The following SIPA1L1 variants were observed in gnomAD, a reference collection of about 807,000 sequenced individuals.
SIPA1L1 encodes signal-induced proliferation-associated 1-like protein 1.
Under a neutral mutation model 162.7 loss-of-function variants are expected in SIPA1L1, and 26 were observed. That is an observed-to-expected ratio of 0.16 (90% CI 0.12 to 0.22). The LOEUF (loss-of-function observed/expected upper bound fraction) is 0.22. Among genes scored for constraint, SIPA1L1 ranks in the 10% least tolerant of loss-of-function variants. The pLI is 1.00. For missense variants in SIPA1L1, 1,874 were observed against 2,241.0 expected (o/e 0.84, Z 3.31); for synonymous variants, 829 against 837.4 (o/e 0.99, Z 0.17).
At chr14:71,376,736 G>C (rs1327253415) in intron 2 of SIPA1L1, among the ~76,000 whole-genome samples, 1 of 152,030 alleles carries the variant, frequency 6.6e-6, no homozygotes, top group Non-Finnish European at 1.5e-5. Context: ...TTGTGTCCCT[G>C]GGTACTTGAG....
chr14:71,329,081 A>G (rs2034189855), intron 2 of SIPA1L1, among the ~76,000 whole-genome samples: 1 of 152,154 alleles, frequency 6.6e-6, no homozygotes, highest in South Asian at 2.1e-4. Flanking sequence ...AGGTTCATCA[A>G]TGTTTGTAGC....
chr14:71,739,483 G>GC lies in SIPA1L1; in HGVS notation c.*327dup, dbSNP rs573289826. On this transcript the variant is annotated 3_prime_UTR_variant, in exon 24 of 24. Transcript: ENST00000381232. ...AAGAAACTGGGCCTTGGACCAGGGC[G>GC]CCCCCTGGCCCATCCGCCTCTATTC... is the stretch of plus-strand genomic sequence containing the variant. 2.8e-4 allele frequency: 46 copies of GC among 165,748 alleles called. No homozygotes were observed. Among genetic ancestry groups the GC allele is most frequent in the African/African-American group, 9.7e-4 (41 of 42,116 alleles). The allele number at this position is 165,748 out of a possible 1,614,324, so 10.3% of individuals were successfully genotyped here.
intron 19 of SIPA1L1, among the ~76,000 whole-genome samples, chr14:71,727,577 C>T (rs1018276528): frequency 3.9e-5 from 6 of 152,134 alleles, no homozygotes; most frequent in Non-Finnish European, 7.3e-5. Flanking sequence ...CTATAAGGAA[C>T]CCTTAGGGCC....
At chr14:71,589,985 C>T (rs559656499) in intron 5 of SIPA1L1, among the ~76,000 whole-genome samples, 50 of 135,682 alleles carry the variant, frequency 3.7e-4, no homozygotes, top group African/African-American at 1.3e-3. Flanking sequence ...GACATAAGGG[C>T]CACTTCCTTT....
intron 2 of SIPA1L1, among the ~76,000 whole-genome samples, chr14:71,504,643 A>G (rs2050510833): frequency 6.6e-6 from 1 of 152,220 alleles, no homozygotes; most frequent in Non-Finnish European, 1.5e-5. Context: ...TTAAAAAAGA[A>G]AAAAATGCAG....
intron 4 of SIPA1L1, among the ~76,000 whole-genome samples, chr14:71,577,080 AAAAAAGAAG>A (rs1298554007): frequency 5.9e-5 from 9 of 151,462 alleles, no homozygotes; most frequent in African/African-American, 2.2e-4. Flanking sequence ...AAAAAAAAAA[AAAAAAGAAG>A]AAAAAGAAAA....
At chr14:71,541,245 TGTTAA>T (rs2054353828) in intron 4 of SIPA1L1, among the ~76,000 whole-genome samples, 1 of 152,264 alleles carries the variant, frequency 6.6e-6, no homozygotes, top group African/African-American at 2.4e-5. Context: ...ATTTATTAAA[TGTTAA>T]GTTCTGCCTA....
chr14:71,562,683 T>A (rs917057484), intron 4 of SIPA1L1, among the ~76,000 whole-genome samples: 16 of 152,218 alleles, frequency 1.1e-4, no homozygotes, highest in African/African-American at 3.9e-4. Context: ...ATGGAACATA[T>A]AATGTGTGAC....
intron 10 of SIPA1L1, among the ~76,000 whole-genome samples, chr14:71,662,762 T>C (rs891367745): frequency 2.0e-5 from 3 of 152,208 alleles, no homozygotes; most frequent in African/African-American, 7.2e-5. Flanking sequence ...CCCCCAACAA[T>C]GAAGACCTAG....
At chr14:71,652,019 T>C (rs2042662079) in intron 8 of SIPA1L1, among the ~76,000 whole-genome samples, 2 of 152,170 alleles carry the variant, frequency 1.3e-5, no homozygotes, top group African/African-American at 2.4e-5. Context: ...AGTTCAACTT[T>C]ATGAGGCATG....
At position 71,481,535 on chromosome 14, in the gene SIPA1L1, A is replaced by C. The variant is rs577808526; in HGVS notation, c.-464-31208A>C. ...AACAACAGCAAAAAAAAAAGTCCCCAAAAAAAGAGAGGCTAATGATTAACA... is the reference window on the plus strand; with the variant it reads ...AACAACAGCAAAAAAAAAAGTCCCCCAAAAAAGAGAGGCTAATGATTAACA... On this transcript the variant is annotated intron_variant, in intron 2 of 23. Transcript: ENST00000381232. Among the ~76,000 whole-genome samples the C allele has an allele frequency of 1.6e-4, 24 of 152,236 alleles. 1 individual carries two copies. The South Asian group carries it at 3.5e-3, about 22-fold the overall frequency.
Position 71,377,345 on chromosome 14 carries a change from G to A in SIPA1L1, c.-465+56164G>A, listed in dbSNP as rs570156496. Among the ~76,000 whole-genome samples, 117 of 151,986 alleles carry A rather than the reference G, an allele frequency of 7.7e-4. No homozygotes were observed. Among genetic ancestry groups the A allele is most frequent in the African/African-American group, 2.5e-3 (103 of 41,480 alleles). On this transcript the variant is annotated intron_variant, in intron 2 of 23. Transcript: ENST00000381232. This position sits in a 1 kb window ranked among gnomAD's most constrained non-coding sequence, Gnocchi z 4.8. ...GGCTCCTCAACTTCTCAGACGGGGC[G>A]GCCGGGCGGAGGCACTCCTCAGTTC... is the stretch of plus-strand genomic sequence containing the variant.
chr14:71,593,195 A>G (rs915871126), intron 5 of SIPA1L1, among the ~76,000 whole-genome samples: 1 of 147,296 alleles, frequency 6.8e-6, no homozygotes, highest in African/African-American at 2.5e-5. Context: ...TGTGTTATTT[A>G]TTTATTTATT....
intron 14 of SIPA1L1, among the ~76,000 whole-genome samples, chr14:71,700,049 C>T (rs2081966696): frequency 1.3e-5 from 2 of 152,198 alleles, no homozygotes; most frequent in South Asian, 4.1e-4. Flanking sequence ...ATCCCTTATA[C>T]TCTGGCATAC....
intron 7 of SIPA1L1, among the ~76,000 whole-genome samples, chr14:71,633,213 T>C (rs2040779371): frequency 6.6e-6 from 1 of 152,204 alleles, no homozygotes; most frequent in Non-Finnish European, 1.5e-5. Context: ...CAGGCTGCAG[T>C]GCAGTGGCTT....
intron 2 of SIPA1L1, among the ~76,000 whole-genome samples, chr14:71,482,178 G>T (rs1396541762): frequency 6.6e-6 from 1 of 152,160 alleles, no homozygotes; most frequent in African/African-American, 2.4e-5. Context: ...AGCTGGTCCT[G>T]ATGGGCAGGA....
At chr14:71,496,800 T>G (rs555482194) in intron 2 of SIPA1L1, among the ~76,000 whole-genome samples, 1 of 152,368 alleles carries the variant, frequency 6.6e-6, no homozygotes, top group Admixed American at 6.5e-5. Flanking sequence ...ATTTCACTGA[T>G]GACCCTTTTA....
intron 19 of SIPA1L1, among the ~76,000 whole-genome samples, chr14:71,726,975 C>G (rs758478080): frequency 3.4e-4 from 52 of 152,096 alleles, no homozygotes; most frequent in Admixed American, 3.4e-3. Context: ...TCCAAAGCCA[C>G]TCATGTGCCA....
At chr14:71,598,245 T>C (rs554110519) in intron 5 of SIPA1L1, 3 of 984,706 alleles carry the variant, frequency 3.0e-6, no homozygotes, top group African/African-American at 1.7e-5. Context: ...TTGTAAACTT[T>C]ACTGGACACA....
Sources: allele counts gnomAD v4.1 joint callset (sites outside exome capture counted in the v4.1 genomes callset), GRCh38; gene constraint gnomAD v4.1.1; non-coding constraint Gnocchi (gnomAD v3.1); transcripts MANE v1.5; gene names NCBI Gene and HGNC (gene_info 2026-07-23, HGNC 2026-07-21).